Variants in RTL4 observed in about 807,000 individuals in gnomAD.
RTL4 encodes the protein retrotransposon Gag-like protein 4.
Under a neutral mutation model 5.3 loss-of-function variants are expected in RTL4, and 4 were observed. The ratio of observed to expected loss-of-function variants is 0.75; its 90% CI spans 0.37 to 1.72. The LOEUF (loss-of-function observed/expected upper bound fraction) is 1.72, where lower values mean the gene tolerates loss of function less well. Ranked by LOEUF, RTL4 falls within the 40% of genes most tolerant of loss-of-function variation. The pLI is 0.04. For synonymous variants in RTL4, 98 were observed against 87.3 expected (o/e 1.12, Z -0.68); for missense variants, 260 against 227.1 (o/e 1.14, Z -0.93).
the RTL4 span, among the ~76,000 whole-genome samples, chrX:112,277,942 G>A: frequency 8.9e-6 from 1 of 111,898 alleles, no homozygotes; most frequent in East Asian, 2.8e-4. Flanking sequence ...CTAAAAATTT[G>A]CAGCACATTT....
At chrX:112,295,667 A>T in the RTL4 span, among the ~76,000 whole-genome samples, 1 of 112,412 alleles carries the variant, frequency 8.9e-6, no homozygotes, top group East Asian at 2.8e-4. Flanking sequence ...GGGCATTATG[A>T]CCAATCATTT....
chrX:112,298,277 CACTT>C, the RTL4 span, among the ~76,000 whole-genome samples: 1 of 112,055 alleles, frequency 8.9e-6, no homozygotes, highest in South Asian at 3.7e-4. Context: ...TAGATTAACT[CACTT>C]AATCCTCCAG....
chrX:112,322,102 T>C, the RTL4 span, among the ~76,000 whole-genome samples: 282 of 111,890 alleles, frequency 2.5e-3, 1 homozygote, highest in African/African-American at 8.8e-3. Context: ...TACTGAGTAG[T>C]TAAAATCAAA....
the RTL4 span, among the ~76,000 whole-genome samples, chrX:112,135,983 A>G: frequency 2.8e-4 from 30 of 108,377 alleles, no homozygotes; most frequent in African/African-American, 9.7e-4. Context: ...TACTGGCTTG[A>G]TTATTTTAGC....
chrX:112,304,720 A>G, the RTL4 span, among the ~76,000 whole-genome samples: 94 of 96,148 alleles, frequency 9.8e-4, no homozygotes, highest in Admixed American at 2.0e-3. Context: ...TCCACAGCAC[A>G]TGTTTTAAGA....
chrX:112,275,236 A>G, the RTL4 span, among the ~76,000 whole-genome samples: 3 of 109,425 alleles, frequency 2.7e-5, no homozygotes, highest in African/African-American at 1.0e-4. Context: ...GGGTAAAGAA[A>G]ATCTTGCAGT....
the RTL4 span, among the ~76,000 whole-genome samples, chrX:112,161,552 A>G: frequency 9.0e-6 from 1 of 111,212 alleles, no homozygotes; most frequent in Admixed American, 9.6e-5. Context: ...GTTTTGCTTT[A>G]TCTTGAGGGA....
chrX:112,320,835 TA>T, the RTL4 span, among the ~76,000 whole-genome samples: 1 of 111,998 alleles, frequency 8.9e-6, no homozygotes, highest in Admixed American at 9.5e-5. Flanking sequence ...AATGGAAAAT[TA>T]AATCTCACAT....
At chrX:112,328,794 T>C in the RTL4 span, among the ~76,000 whole-genome samples, 1 of 111,759 alleles carries the variant, frequency 8.9e-6, no homozygotes, top group Non-Finnish European at 1.9e-5. Context: ...AGAACAGAAA[T>C]TATAACAAAC....
chrX:112,176,210 C>T, the RTL4 span, among the ~76,000 whole-genome samples: 3 of 111,346 alleles, frequency 2.7e-5, no homozygotes, highest in African/African-American at 6.5e-5. Context: ...AACCACTGCT[C>T]GATGAAATAA....
chrX:112,386,525 G>A, the RTL4 span, among the ~76,000 whole-genome samples: 1 of 105,943 alleles, frequency 9.4e-6, no homozygotes, highest in Non-Finnish European at 1.9e-5. Flanking sequence ...TTTCCCCCAA[G>A]TCCCCAAAAT....
the RTL4 span, among the ~76,000 whole-genome samples, chrX:112,278,968 T>C: frequency 9.0e-6 from 1 of 111,289 alleles, no homozygotes; most frequent in Non-Finnish European, 1.9e-5. Context: ...ATTTCAAACA[T>C]AACAGCAAAA....
the RTL4 span, among the ~76,000 whole-genome samples, chrX:112,241,215 G>C: frequency 9.0e-6 from 1 of 110,840 alleles, no homozygotes; most frequent in African/African-American, 3.3e-5. Context: ...CCCATTAATG[G>C]GATCACTGGG....
chrX:112,206,440 G>A, the RTL4 span, among the ~76,000 whole-genome samples: 1 of 111,290 alleles, frequency 9.0e-6, no homozygotes, highest in African/African-American at 3.3e-5. Context: ...TACTCTATCT[G>A]TCAGAAACTT....
At chrX:112,161,889 T>TTTCTTTC in the RTL4 span, among the ~76,000 whole-genome samples, 6 of 85,129 alleles carry the variant, frequency 7.0e-5, no homozygotes, top group Admixed American at 1.4e-4. Flanking sequence ...TTCTTCTTTC[T>TTTCTTTC]TTCTTCTTTT....
the RTL4 span, among the ~76,000 whole-genome samples, chrX:112,101,672 T>C: frequency 9.0e-6 from 1 of 111,303 alleles, no homozygotes; most frequent in Non-Finnish European, 1.9e-5. Flanking sequence ...AAGTGAATAG[T>C]GTCCCCCTCA....
the RTL4 span, among the ~76,000 whole-genome samples, chrX:112,348,493 C>A: frequency 1.9e-5 from 2 of 107,065 alleles, no homozygotes; most frequent in Non-Finnish European, 3.9e-5. Flanking sequence ...CAATTAAAAA[C>A]ACACACACAC....
At chrX:112,384,857 CATTT>C in the RTL4 span, among the ~76,000 whole-genome samples, 1 of 111,452 alleles carries the variant, frequency 9.0e-6, no homozygotes, top group Admixed American at 9.5e-5. Context: ...AATGTTTTTC[CATTT>C]GTTTGTGTCC....
the RTL4 span, among the ~76,000 whole-genome samples, chrX:112,398,439 G>GCC: frequency 1.2e-5 from 1 of 80,418 alleles, no homozygotes; most frequent in African/African-American, 5.2e-5. Flanking sequence ...TCCCTCTGTC[G>GCC]CCCAGGCTGG....
Sources: allele counts gnomAD v4.1 joint callset (sites outside exome capture counted in the v4.1 genomes callset), GRCh38; gene constraint gnomAD v4.1.1; transcripts MANE v1.5; gene names NCBI Gene and HGNC (gene_info 2026-07-23, HGNC 2026-07-21).